The following KANK2 variants were observed in gnomAD, a reference collection of about 807,000 sequenced individuals.
KANK2 encodes the protein KN motif and ankyrin repeat domain-containing protein 2.
In KANK2, 41 loss-of-function variants were observed where a neutral mutation model predicts 74.6. The observed-to-expected ratio is 0.55, with a 90% CI of 0.43 to 0.71. KANK2 has a LOEUF of 0.71. KANK2 is among the 30% of genes least tolerant of loss of function. KANK2 has a pLI of 0.00. For synonymous variants in KANK2, 537 were observed against 519.0 expected (o/e 1.03, Z -0.47); for missense variants, 1,148 against 1,196.4 (o/e 0.96, Z 0.60).
At chr19:11,169,560 T>A (rs1213676788) in intron 12 of KANK2, 1 of 495,220 alleles carries the variant, frequency 2.0e-6, no homozygotes, top group Non-Finnish European at 3.6e-6. Context: ...CCCAGCACTT[T>A]GGGAGGCTAA....
chr19:11,174,357 G>A (rs1018494124), intron 9 of KANK2, 116 bp downstream of exon 9: 54 of 825,362 alleles, frequency 6.5e-5, no homozygotes, highest in African/African-American at 4.0e-4. Context: ...TGAGAAGGCC[G>A]CGTCTCCTCC....
At position 11,193,518 on chromosome 19, in the gene KANK2, C is replaced by A; in HGVS notation, c.562G>T (p.Val188Leu). 6.2e-7 allele frequency: 1 copy of A among 1,608,378 alleles called. No individual in the cohort carries two copies. Among genetic ancestry groups the A allele is most frequent in the Non-Finnish European group, 8.5e-7 (1 of 1,179,726 alleles). The change falls in exon 4 of 13, where the codon GTG becomes TTG. Residue 188 changes from valine to leucine, a missense_variant. Val to Leu is a conservative substitution (Grantham distance 32, BLOSUM62 1). Coordinates refer to ENST00000586659, the MANE Select transcript of KANK2 (RefSeq NM_001136191.3). This position sits in a 1 kb window ranked among gnomAD's most constrained non-coding sequence, Gnocchi z 9.6. The part of the protein sequence containing the change: ...VPPSAGHLAH[V>L]REQMAGALRK... ...AGGGCACCCGCCATCTGCTCCCGCACGTGGGCCAGGTGCCCGGCACTGGGA... is the reference window on the plus strand; with the variant it reads ...AGGGCACCCGCCATCTGCTCCCGCAAGTGGGCCAGGTGCCCGGCACTGGGA...
chr19:11,168,295 C>T (rs1025015078), intron 12 of KANK2, among the ~76,000 whole-genome samples: 20 of 151,516 alleles, frequency 1.3e-4, no homozygotes, highest in African/African-American at 4.4e-4. Context: ...TGAGCCACCA[C>T]GCCTGGCCTC....
intron 1 of KANK2, chr19:11,196,659 G>A (rs1426540188): frequency 6.6e-6 from 1 of 152,346 alleles, no homozygotes; most frequent in Non-Finnish European, 1.5e-5. Flanking sequence ...CACGTCCCGA[G>A]TAAGGGGAAG....
rs752010371 is a variant in KANK2, at chr19:11,194,556, G to A, written c.-45C>T. ...CCTTGGAAGTCACTTGAGGGACTGC[G>A]AGTCAGACTGCCTGCAGCACCGGCT... On this transcript the variant is annotated 5_prime_UTR_variant, in exon 3 of 13. Coordinates refer to ENST00000586659, the MANE Select transcript of KANK2 (RefSeq NM_001136191.3). 5.9e-6 allele frequency: 9 copies of A among 1,513,450 alleles called. No individual in the cohort carries two copies. The East Asian group carries it at 9.0e-5, about 15-fold the overall frequency. The allele number at this position is 1,513,450 out of a possible 1,614,324, so 93.8% of individuals were successfully genotyped here. A position where few individuals can be genotyped will look rare whatever the true frequency, so the allele number is the denominator to read the frequency against.
intron 4 of KANK2, among the ~76,000 whole-genome samples, chr19:11,191,453 T>C (rs1288463483): frequency 6.6e-6 from 1 of 152,214 alleles, no homozygotes; most frequent in Non-Finnish European, 1.5e-5. Flanking sequence ...GACTCAGTAC[T>C]TCCTCTGGGA....
rs1326639245 is a variant in KANK2, at chr19:11,170,139, G to A, written c.2321C>T (p.Thr774Met). ...GTGCTCACAGGCGCACATGAGGGCCGTGGAGCCGTCATCATCTTGCACGTT... is the reference window on the plus strand; with the variant it reads ...GTGCTCACAGGCGCACATGAGGGCCATGGAGCCGTCATCATCTTGCACGTT... Reference protein sequence around the residue: ...DVNVQDDDGSTALMCACEHGH... With the variant: ...DVNVQDDDGSMALMCACEHGH... Residue 774 changes from threonine (T) to methionine (M), a missense_variant, in exon 11 of 13, where the codon ACG (threonine) becomes ATG (methionine). Transcript: ENST00000586659. The surrounding 1 kb of genome is among the most constrained non-coding windows in gnomAD (Gnocchi z 5.2). 1.9e-6 allele frequency: 3 copies of A among 1,612,704 alleles called. No individual in the cohort carries two copies. Among genetic ancestry groups the A allele is most frequent in the Non-Finnish European group, 2.5e-6 (3 of 1,180,024 alleles).
intron 4 of KANK2, among the ~76,000 whole-genome samples, chr19:11,183,009 T>C (rs540770609): frequency 6.6e-6 from 1 of 152,208 alleles, no homozygotes; most frequent in Admixed American, 6.6e-5. Flanking sequence ...CAAGAAGTAA[T>C]AATAAAATTG....
intron 4 of KANK2, among the ~76,000 whole-genome samples, chr19:11,187,729 GCAC>G (rs1321175317): frequency 6.6e-6 from 1 of 152,146 alleles, no homozygotes; most frequent in Admixed American, 6.5e-5. Flanking sequence ...AGGCCCTGAA[GCAC>G]CAAATTCAAA....
At chr19:11,191,018 A>AC (rs1393557639) in intron 4 of KANK2, among the ~76,000 whole-genome samples, 6 of 147,914 alleles carry the variant, frequency 4.1e-5, no homozygotes, top group African/African-American at 1.5e-4. Flanking sequence ...GGCGTGAGCC[A>AC]CCGTGCCCAG....
chr19:11,192,719 G>T, intron 4 of KANK2, 112 bp downstream of exon 4: 1 of 1,343,708 alleles, frequency 7.4e-7, no homozygotes, highest in Non-Finnish European at 1.0e-6. Flanking sequence ...ACAGGCATGC[G>T]CCACCGCACC....
In KANK2 at chr19:11,174,424, C is replaced by A. The variant is rs202145350; in HGVS notation, c.2068+49G>T. ...GTCTTCCCTATCAGACTGGGCATGGCGGACAGCTGGCTGGTTTAGAGCCGC... is the reference window on the plus strand; with the variant it reads ...GTCTTCCCTATCAGACTGGGCATGGAGGACAGCTGGCTGGTTTAGAGCCGC... On this transcript the variant is annotated intron_variant, in intron 9 of 12. Coordinates refer to ENST00000586659, the MANE Select transcript of KANK2 (RefSeq NM_001136191.3). 4,474 of 1,456,708 alleles carry A rather than the reference C, an allele frequency of 3.1e-3. 13 individuals carry two copies. Among genetic ancestry groups the A allele is most frequent in the Non-Finnish European group, 4.0e-3 (4,193 of 1,059,562 alleles). 90.2% of individuals were successfully genotyped at this position (1,456,708 alleles called of 1,614,324 possible). A position where few individuals can be genotyped will look rare whatever the true frequency, so the allele number is the denominator to read the frequency against.
rs376611872 is a variant in KANK2, at chr19:11,170,022, C to T, written c.2412+26G>A. On this transcript the variant is annotated intron_variant, in intron 11 of 12. Coordinates refer to ENST00000586659, the MANE Select transcript of KANK2 (RefSeq NM_001136191.3). This position sits in a 1 kb window ranked among gnomAD's most constrained non-coding sequence, Gnocchi z 5.2. ...CCCCATGCTGTGCTCCCGCCCTCCC[C>T]GGGGTGCACCTGGTTGGAGACTCAC... 6.5e-5 allele frequency: 105 copies of T among 1,611,924 alleles called. No individual in the cohort carries two copies. Among genetic ancestry groups the T allele is most frequent in the Non-Finnish European group, 8.3e-5 (98 of 1,178,152 alleles).
At chr19:11,168,005 G>GT (rs528176321) in intron 12 of KANK2, among the ~76,000 whole-genome samples, 1,216 of 114,960 alleles carry the variant, frequency 0.011, 15 homozygotes, top group African/African-American at 0.029. Flanking sequence ...CCACGTCCTT[G>GT]TTTTTTTTTT....
intron 10 of KANK2, among the ~76,000 whole-genome samples, chr19:11,172,141 A>T (rs1360072420): frequency 1.3e-5 from 2 of 150,656 alleles, no homozygotes; most frequent in South Asian, 4.2e-4. Context: ...ACGCCCAGCT[A>T]ATTTTTTAAT....
intron 4 of KANK2, among the ~76,000 whole-genome samples, chr19:11,188,784 C>A (rs2078751284): frequency 6.6e-6 from 1 of 151,782 alleles, no homozygotes. Flanking sequence ...GAGTTCAAGA[C>A]CAGCCTGGCC....
At position 11,193,756 on chromosome 19, in the gene KANK2, G is replaced by A. The variant is rs746668383; in HGVS notation, c.324C>T (p.Tyr108=). 1.2e-6 allele frequency: 2 copies of A among 1,612,620 alleles called. No homozygotes were observed. The highest frequency in any genetic ancestry group is 2.2e-5 in the South Asian group (2 of 91,088). Residue 108 remains tyrosine, a synonymous_variant, in exon 4 of 13, where the codon TAC becomes TAT. Transcript: ENST00000586659. The surrounding 1 kb of genome is among the most constrained non-coding windows in gnomAD (Gnocchi z 9.6). ...GGGTCTCCAGAGCACCATACTGAGG[G>A]TAGAAGCCACGGCCGCAGTAGGAAT... ...SAYSYCGRGF[Y]PQYGALETRG...
chr19:11,180,004 G>A (rs1256038963), intron 4 of KANK2, among the ~76,000 whole-genome samples: 1 of 152,212 alleles, frequency 6.6e-6, no homozygotes, highest in South Asian at 2.1e-4. Context: ...GGCAGTAAAG[G>A]CGCATGCCAC....
At chr19:11,183,025 ACTT>A (rs1411915654) in intron 4 of KANK2, among the ~76,000 whole-genome samples, 2 of 152,148 alleles carry the variant, frequency 1.3e-5, no homozygotes, top group African/African-American at 4.8e-5. Flanking sequence ...AATTGATGAT[ACTT>A]ATTATTGTTA....
Sources: allele counts gnomAD v4.1 joint callset (sites outside exome capture counted in the v4.1 genomes callset), GRCh38; gene constraint gnomAD v4.1.1; non-coding constraint Gnocchi (gnomAD v3.1); transcripts MANE v1.5; gene names NCBI Gene and HGNC (gene_info 2026-07-23, HGNC 2026-07-21).